Variants in SPECC1 observed in about 807,000 individuals in gnomAD.
SPECC1 encodes the protein cytospin-B.
Under a neutral mutation model 104.1 loss-of-function variants are expected in SPECC1, and 62 were observed. The observed-to-expected ratio is 0.60, with a 90% CI of 0.49 to 0.74. SPECC1 has a LOEUF of 0.74. Ranked by LOEUF, SPECC1 falls within the 30% of genes least tolerant of loss-of-function variation. SPECC1 has a pLI of 0.00. For missense variants in SPECC1, 1,306 were observed against 1,310.5 expected, an observed-to-expected ratio of 1.00 and a Z score of 0.05; for synonymous variants, 513 against 501.6, an observed-to-expected ratio of 1.02 and a Z score of -0.30.
intron 1 of SPECC1, among the ~76,000 whole-genome samples, chr17:20,092,662 C>G (rs2047453872): frequency 6.6e-6 from 1 of 152,162 alleles, no homozygotes; most frequent in Non-Finnish European, 1.5e-5. Flanking sequence ...AGCAGCGCTC[C>G]GTTGAACACC....
At chr17:20,281,965 G>T (rs976608475) in intron 12 of SPECC1, among the ~76,000 whole-genome samples, 3 of 152,220 alleles carry the variant, frequency 2.0e-5, no homozygotes, top group Non-Finnish European at 2.9e-5. Context: ...CTGCTGAGCC[G>T]CGGGGCTTCG....
At chr17:20,252,035 C>G (rs1201513743) in intron 9 of SPECC1, among the ~76,000 whole-genome samples, 1 of 151,968 alleles carries the variant, frequency 6.6e-6, no homozygotes, top group Non-Finnish European at 1.5e-5. Context: ...GTGAAAGAAG[C>G]AAAATGGTGT....
chr17:20,047,132 A>G (rs1259291999), intron 1 of SPECC1, among the ~76,000 whole-genome samples: 5 of 152,216 alleles, frequency 3.3e-5, no homozygotes, highest in Admixed American at 1.3e-4. Context: ...ATTTTTCTTA[A>G]GGATTCTTGA....
chr17:20,026,250 C>G (rs1157879998), intron 1 of SPECC1, among the ~76,000 whole-genome samples: 1 of 151,688 alleles, frequency 6.6e-6, no homozygotes, highest in Non-Finnish European at 1.5e-5. Flanking sequence ...TAATTTGATA[C>G]ATGTATGCAA....
intron 4 of SPECC1, among the ~76,000 whole-genome samples, chr17:20,216,364 T>G (rs2703817): frequency 0.71 from 107,833 of 152,104 alleles, 40,025 homozygotes; most frequent in East Asian, 0.99. Flanking sequence ...CTAATCTAAT[T>G]CTTTGATCCA....
intron 3 of SPECC1, among the ~76,000 whole-genome samples, chr17:20,195,333 A>C (rs1202929148): frequency 6.6e-6 from 1 of 151,570 alleles, no homozygotes; most frequent in Non-Finnish European, 1.5e-5. Context: ...TACTTCTGTG[A>C]TACACAGAAT....
intron 1 of SPECC1, among the ~76,000 whole-genome samples, chr17:20,092,052 C>G (rs2047425485): frequency 6.6e-6 from 1 of 152,198 alleles, no homozygotes; most frequent in South Asian, 2.1e-4. Context: ...GGTTCCCTCT[C>G]TCCTCCTTTT....
chr17:20,249,620 A>G (rs1406409245), intron 9 of SPECC1, among the ~76,000 whole-genome samples: 1 of 152,104 alleles, frequency 6.6e-6, no homozygotes, highest in African/African-American at 2.4e-5. Context: ...GAAAACCACA[A>G]TGTATAAAAA....
intron 1 of SPECC1, among the ~76,000 whole-genome samples, chr17:20,058,652 G>A (rs1279005404): frequency 6.6e-6 from 1 of 151,812 alleles, no homozygotes; most frequent in Non-Finnish European, 1.5e-5. Flanking sequence ...AAGTGAGACC[G>A]TGTATTTAAA....
At chr17:20,195,522 G>A (rs2035972493) in intron 3 of SPECC1, among the ~76,000 whole-genome samples, 1 of 151,498 alleles carries the variant, frequency 6.6e-6, no homozygotes, top group Non-Finnish European at 1.5e-5. Flanking sequence ...TAAGCCAAAT[G>A]TCACTGTTGT....
At chr17:20,295,015 T>TATC (rs2041300138) in intron 12 of SPECC1, among the ~76,000 whole-genome samples, 2 of 36,566 alleles carry the variant, frequency 5.5e-5, no homozygotes. Context: ...GATTCCCATC[T>TATC]ATTATTATTA....
rs1000457362 is a variant in SPECC1 at position 20,296,887 on chromosome 17, T to C, written c.2941-74T>C. ...TGATTTTGTGTAGATTCCCATCTTA[T>C]CACAATCTTCCTCATCTGTGATACT... is the stretch of plus-strand genomic sequence containing the variant. On this transcript the variant is annotated intron_variant, in intron 12 of 14. Transcript: ENST00000395527. 2.4e-5 allele frequency: 33 copies of C among 1,377,346 alleles called. No individual in the cohort carries two copies. In the African/African-American group the frequency reaches 2.6e-4, roughly 11 times the overall value. The allele number at this position is 1,377,346 out of a possible 1,614,324, so 85.3% of individuals were successfully genotyped here.
At position 20,205,610 on chromosome 17, in the gene SPECC1, G is replaced by A. The variant is rs759282687; in HGVS notation, c.1561G>A (p.Glu521Lys). Residue 521 changes from glutamate to lysine, a missense_variant, in exon 4 of 15, where the codon GAG becomes AAG. Physicochemically the swap from Glu to Lys is moderately conservative, Grantham distance 56. Around this residue, in one of 2 missense-constraint regions of SPECC1, gnomAD observed 1,177 missense variants for 1,139.9 expected, o/e 1.03. Transcript: ENST00000395527. ...RLKEENEKLN[E>K]FLELERHNNN... ...GAAGGAAGAAAATGAAAAACTGAAT[G>A]AGTTTCTAGAACTGGAACGGCATAA... The A allele has an allele frequency of 1.1e-5, 18 of 1,614,112 alleles. No homozygotes were observed. The highest frequency in any genetic ancestry group is 1.6e-4 in the Middle Eastern group (1 of 6,062).
chr17:20,246,143 T>C, intron 8 of SPECC1, 72 bp downstream of exon 8: 1 of 1,563,068 alleles, frequency 6.4e-7, no homozygotes, highest in Non-Finnish European at 8.7e-7. Flanking sequence ...ATGTCTACTA[T>C]CTCTACTCCA....
chr17:20,161,826 A>G (rs1239777005), intron 3 of SPECC1, among the ~76,000 whole-genome samples: 4 of 138,102 alleles, frequency 2.9e-5, no homozygotes, highest in Non-Finnish European at 4.6e-5. Context: ...ACAGAGTCTC[A>G]TTCTGTTGCC....
intron 4 of SPECC1, among the ~76,000 whole-genome samples, chr17:20,220,402 T>G (rs1043993876): frequency 2.0e-5 from 3 of 152,152 alleles, no homozygotes; most frequent in African/African-American, 4.8e-5. Context: ...TTTGATTAAG[T>G]TTATTCCTAC....
intron 1 of SPECC1, among the ~76,000 whole-genome samples, chr17:20,020,534 G>A (rs1398437693): frequency 2.6e-5 from 4 of 152,044 alleles, no homozygotes; most frequent in African/African-American, 9.7e-5. Context: ...GGCTTTCACT[G>A]TGTTGGCCAG....
intron 1 of SPECC1, among the ~76,000 whole-genome samples, chr17:20,052,335 G>C (rs1056793438): frequency 5.9e-5 from 9 of 152,156 alleles, no homozygotes; most frequent in African/African-American, 2.2e-4. Context: ...GTCATGTTTT[G>C]TTGAGGTCCT....
intron 1 of SPECC1, among the ~76,000 whole-genome samples, chr17:20,059,721 G>T (rs180735508): frequency 1.3e-5 from 2 of 152,254 alleles, no homozygotes; most frequent in East Asian, 1.9e-4. Context: ...TAAAAAATTA[G>T]CTGGGCATGG....
Sources: allele counts gnomAD v4.1 joint callset (sites outside exome capture counted in the v4.1 genomes callset), GRCh38; gene constraint gnomAD v4.1.1; regional missense constraint gnomAD v4.1.1; transcripts MANE v1.5; gene names NCBI Gene and HGNC (gene_info 2026-07-23, HGNC 2026-07-21).